CLTCL1: variants seen among roughly 807,000 people sequenced by gnomAD.
The protein encoded by CLTCL1 is clathrin heavy chain like 1, also known as clathrin heavy chain 2.
CLTCL1 carries 159 observed loss-of-function variants against 190.0 expected under a neutral mutation model. The ratio of observed to expected loss-of-function variants is 0.84; its 90% CI spans 0.74 to 0.95. The LOEUF (loss-of-function observed/expected upper bound fraction) is 0.95. Ranked by LOEUF, CLTCL1 falls within the 40% of genes least tolerant of loss-of-function variation. The pLI, the probability that CLTCL1 is intolerant of heterozygous loss-of-function variation, is 0.00. For missense variants in CLTCL1, 1,878 were observed against 2,033.4 expected, an observed-to-expected ratio of 0.92 and a Z score of 1.47; for synonymous variants, 752 against 769.6, an observed-to-expected ratio of 0.98 and a Z score of 0.38.
rs2084354512 is a variant in CLTCL1 at position 19,187,592 on chromosome 22, C to T, written c.4571G>A (p.Ser1524Asn). 6.2e-7 allele frequency: 1 copy of T among 1,613,168 alleles called. No individual in the cohort carries two copies. The highest frequency in any genetic ancestry group is 8.5e-7 in the Non-Finnish European group (1 of 1,179,876). ...LYKGNNWWAQSVELCKKDHLY... is the reference protein window; with the variant it reads ...LYKGNNWWAQNVELCKKDHLY... ...ATGATCCTTCTTGCAGAGCTCCACGCTCTGGGCCCACCAGTTATTGCCCTT... is the reference window on the plus strand; with the variant it reads ...ATGATCCTTCTTGCAGAGCTCCACGTTCTGGGCCCACCAGTTATTGCCCTT... The change falls in exon 29 of 33, where the codon AGC becomes AAC. Residue 1524 changes from serine (S) to asparagine (N), a missense_variant. Transcript: ENST00000427926.
intron 1 of CLTCL1, among the ~76,000 whole-genome samples, chr22:19,283,867 C>T (rs1555988545): frequency 1.3e-5 from 2 of 151,820 alleles, no homozygotes; most frequent in Admixed American, 1.3e-4. Context: ...TGGCACACGC[C>T]TGTGGTCCCA....
intron 9 of CLTCL1, 172 bp from the exon 10 acceptor site, chr22:19,232,770 T>C (rs2085956149): frequency 1.2e-6 from 1 of 867,968 alleles, no homozygotes; most frequent in Non-Finnish European, 1.7e-6. Context: ...ATGAATTGAT[T>C]TAATGTACAT....
chr22:19,213,062 T>C (rs1339277126), intron 19 of CLTCL1, among the ~76,000 whole-genome samples: 3 of 152,126 alleles, frequency 2.0e-5, no homozygotes, highest in Non-Finnish European at 4.4e-5. Context: ...AGAAAATATA[T>C]GGAAATCACA....
intron 26 of CLTCL1, among the ~76,000 whole-genome samples, chr22:19,193,317 T>C (rs997618372): frequency 1.3e-5 from 2 of 152,212 alleles, no homozygotes; most frequent in African/African-American, 4.8e-5. Flanking sequence ...CCCACCCAGT[T>C]CCTCTGGTGT....
In CLTCL1 at chr22:19,223,943, ATCCTCTCCACC is replaced by A. The variant is rs782324392; in HGVS notation, c.2229_2239del (p.Glu743AspfsTer33). The A allele has an allele frequency of 2.5e-6, 4 of 1,613,834 alleles. No homozygotes were observed. The highest frequency in any genetic ancestry group is 3.4e-6 in the Non-Finnish European group (4 of 1,179,906). The stretch of plus-strand genomic sequence containing the variant: ...GTTGTAGCAGCTGCTCTCTCGGCAT[ATCCTCTCCACC>A]TCCTTGATCTGCCCTGTCTTACAGG... On this transcript the variant is annotated frameshift_variant, in exon 14 of 33. Coordinates refer to ENST00000427926, the MANE Select transcript of CLTCL1 (RefSeq NM_007098.4). LOFTEE classifies it high-confidence loss of function.
chr22:19,184,000 G>T (rs116050110), intron 29 of CLTCL1: 97 of 316,234 alleles, frequency 3.1e-4, no homozygotes, highest in African/African-American at 2.1e-3. Context: ...AGTTAGGAGG[G>T]GTACGGCTAC....
chr22:19,284,584 C>T (rs988893507), intron 1 of CLTCL1, among the ~76,000 whole-genome samples: 6 of 152,058 alleles, frequency 3.9e-5, no homozygotes, highest in African/African-American at 7.3e-5. Context: ...CACTTGAACA[C>T]GGGAAGCGGA....
chr22:19,259,474 C>T (rs2086874040), intron 2 of CLTCL1, among the ~76,000 whole-genome samples: 1 of 152,066 alleles, frequency 6.6e-6, no homozygotes, highest in South Asian at 2.1e-4. Context: ...TATCATTTTT[C>T]CAACAGCATG....
rs533018536 is a variant in CLTCL1, at chr22:19,255,689, T to G, written c.251-1462A>C. ...CTTTGGGAAGCTGAGGCAGGTAGAT[T>G]ACCGGAGGTCAGGAGTTCAAGAACA... On this transcript the variant is annotated intron_variant, in intron 2 of 32. Coordinates refer to ENST00000427926, the MANE Select transcript of CLTCL1 (RefSeq NM_007098.4). Among the ~76,000 whole-genome samples the G allele has an allele frequency of 2.0e-5, 3 of 151,264 alleles. No individual in the cohort carries two copies. The East Asian group carries it at 5.9e-4, about 30-fold the overall frequency.
chr22:19,249,421 C>T (rs1271785349), intron 3 of CLTCL1, among the ~76,000 whole-genome samples: 2 of 151,808 alleles, frequency 1.3e-5, no homozygotes, highest in South Asian at 2.1e-4. Flanking sequence ...TATATATTTG[C>T]ACTCTACTGA....
At position 19,235,988 on chromosome 22, in the gene CLTCL1, C is replaced by T. The variant is rs201591512; in HGVS notation, c.796-119G>A. 1.4e-4 allele frequency: 131 copies of T among 907,786 alleles called. 1 individual carries two copies. The East Asian group carries it at 3.4e-3, about 24-fold the overall frequency. The allele number at this position is 907,786 out of a possible 1,614,324, so 56.2% of individuals were successfully genotyped here. ...GTTTGTTTGTTTTTTGAGATAGGGT[C>T]GTGCTCTGTCACCCAGGCTGGAGTG... On this transcript the variant is annotated intron_variant, in intron 5 of 32. Coordinates refer to ENST00000427926, the MANE Select transcript of CLTCL1 (RefSeq NM_007098.4).
At chr22:19,276,650 TTTATTTAC>T (rs1211896941) in intron 1 of CLTCL1, among the ~76,000 whole-genome samples, 16 of 152,156 alleles carry the variant, frequency 1.1e-4, no homozygotes, top group African/African-American at 2.9e-4. Flanking sequence ...ACAAGACACC[TTTATTTAC>T]TTATTTACTT....
intron 2 of CLTCL1, chr22:19,258,543 C>A: frequency 1.7e-6 from 1 of 574,072 alleles, no homozygotes. Flanking sequence ...CAGGGTCCTA[C>A]TGTACCTGGA....
intron 13 of CLTCL1, 100 bp from the exon 14 acceptor site, chr22:19,224,154 G>T: frequency 8.3e-7 from 1 of 1,201,196 alleles, no homozygotes; most frequent in Non-Finnish European, 1.2e-6. Context: ...CCACTCTCCA[G>T]GGACCCACAG....
chr22:19,244,546 C>T (rs1446060955), intron 3 of CLTCL1, among the ~76,000 whole-genome samples: 1 of 152,170 alleles, frequency 6.6e-6, no homozygotes, highest in African/African-American at 2.4e-5. Context: ...TCACCCTCCC[C>T]AAGAGACTGT....
At chr22:19,272,583 G>A (rs554707903) in intron 2 of CLTCL1, among the ~76,000 whole-genome samples, 24 of 152,220 alleles carry the variant, frequency 1.6e-4, no homozygotes, top group African/African-American at 4.6e-4. Flanking sequence ...TGATTCTCCC[G>A]CCTCAGCCTC....
At position 19,209,058 on chromosome 22, in the gene CLTCL1, G is replaced by C. The variant is rs1555944889; in HGVS notation, c.3306C>G (p.Cys1102Trp). 1 of 1,609,682 alleles carries C rather than the reference G, an allele frequency of 6.2e-7. No individual in the cohort carries two copies. Among genetic ancestry groups the C allele is most frequent in the Non-Finnish European group, 8.5e-7 (1 of 1,177,926 alleles). The change falls in exon 21 of 33, where the codon TGC becomes TGG. Residue 1102 changes from cysteine (C) to tryptophan (W), a missense_variant. Cys to Trp is a radical substitution (Grantham distance 215). Transcript: ENST00000427926. Reference sequence around the variant, plus strand: ...GCTGACTCCACACAGCAGGCTCATTGCATCTCTCCGCAAACTCATATGCCC... The same window carrying C: ...GCTGACTCCACACAGCAGGCTCATTCCATCTCTCCGCAAACTCATATGCCC... ...LDRAYEFAER[C>W]NEPAVWSQLA...
At chr22:19,196,104 TTAC>T (rs1218390618) in intron 26 of CLTCL1, among the ~76,000 whole-genome samples, 159 bp downstream of exon 26, 1 of 152,274 alleles carries the variant, frequency 6.6e-6, no homozygotes, top group South Asian at 2.1e-4. Flanking sequence ...AAAGATGGAA[TTAC>T]TACCATCTGC....
intron 13 of CLTCL1, 137 bp downstream of exon 13, chr22:19,225,316 T>G: frequency 1.2e-6 from 1 of 835,238 alleles, no homozygotes; most frequent in East Asian, 2.7e-5. Flanking sequence ...TGCCACCGAC[T>G]GAGCACCCAA....
Sources: allele counts gnomAD v4.1 joint callset (sites outside exome capture counted in the v4.1 genomes callset), GRCh38; gene constraint gnomAD v4.1.1; transcripts MANE v1.5; gene names NCBI Gene and HGNC (gene_info 2026-07-23, HGNC 2026-07-21).